TM9SF4: variants seen among roughly 807,000 people sequenced by gnomAD.
TM9SF4 encodes the protein dinucleotide oxidase disulfide thiol exchanger 3 superfamily member 4.
Under a neutral mutation model 90.4 loss-of-function variants are expected in TM9SF4, and 26 were observed. The observed-to-expected ratio is 0.29, with a 90% CI of 0.21 to 0.40. The LOEUF (loss-of-function observed/expected upper bound fraction) is 0.40. TM9SF4 is among the 10% of genes least tolerant of loss of function. TM9SF4 has a pLI of 1.00. For missense variants in TM9SF4, 549 were observed against 834.8 expected (o/e 0.66, Z 4.22); for synonymous variants, 293 against 315.4 (o/e 0.93, Z 0.75).
intron 13 of TM9SF4, among the ~76,000 whole-genome samples, chr20:32,156,937 A>ATTTTTTTTTTTT (rs1244272103): frequency 3.2e-5 from 2 of 63,046 alleles, no homozygotes; most frequent in African/African-American, 2.1e-4. Context: ...TTTCCTGGAC[A>ATTTTTTTTTTTT]TTTTCTTTTT....
chr20:32,136,288 T>G, intron 3 of TM9SF4, 115 bp downstream of exon 3: 1 of 957,388 alleles, frequency 1.0e-6, no homozygotes. Flanking sequence ...CTACATTGTT[T>G]GCATACCTGT....
At chr20:32,153,354 G>A (rs2046870271) in intron 12 of TM9SF4, among the ~76,000 whole-genome samples, 2 of 152,218 alleles carry the variant, frequency 1.3e-5, no homozygotes, top group African/African-American at 4.8e-5. Context: ...TGGCAATGGA[G>A]GTTTGAGCAT....
At chr20:32,121,838 C>T (rs1350767891) in intron 1 of TM9SF4, among the ~76,000 whole-genome samples, 27 of 150,114 alleles carry the variant, frequency 1.8e-4, no homozygotes, top group African/African-American at 5.9e-4. Context: ...GGGGCTGAAC[C>T]CCCCACCTCC....
At chr20:32,158,312 T>C (rs2046961000) in intron 14 of TM9SF4, 139 bp from the exon 15 acceptor site, 2 of 881,318 alleles carry the variant, frequency 2.3e-6, no homozygotes, top group Non-Finnish European at 3.7e-6. Context: ...CAAGAGATTA[T>C]AATAGTACAG....
chr20:32,126,720 T>C (rs2046427834), intron 1 of TM9SF4, among the ~76,000 whole-genome samples: 1 of 146,746 alleles, frequency 6.8e-6, no homozygotes, highest in South Asian at 2.1e-4. Flanking sequence ...AATAAGTAGT[T>C]GGTGAACTAA....
At chr20:32,110,314 C>T (rs2046123916) in intron 1 of TM9SF4, among the ~76,000 whole-genome samples, 1 of 152,164 alleles carries the variant, frequency 6.6e-6, no homozygotes, top group Non-Finnish European at 1.5e-5. Context: ...CTTGCCTTCA[C>T]CTACCCCACC....
At chr20:32,159,952 G>T in intron 15 of TM9SF4, 40 bp from the exon 16 acceptor site, 1 of 1,613,568 alleles carries the variant, frequency 6.2e-7, no homozygotes, top group Non-Finnish European at 8.5e-7. Context: ...AAGGGGAGCA[G>T]GGTGGTCAAG....
At chr20:32,136,262 T>G in intron 3 of TM9SF4, 89 bp downstream of exon 3, 1 of 1,244,350 alleles carries the variant, frequency 8.0e-7, no homozygotes, top group Non-Finnish European at 1.2e-6. Flanking sequence ...AACTTTGCTA[T>G]ATTCTAGACA....
chr20:32,121,199 TTTTA>T (rs1252537553), intron 1 of TM9SF4, among the ~76,000 whole-genome samples: 3 of 137,510 alleles, frequency 2.2e-5, no homozygotes, highest in Middle Eastern at 3.4e-3. Context: ...CTCTTTTTTT[TTTTA>T]TTTTTCTTTT....
At chr20:32,154,222 C>T (rs1222767611) in intron 12 of TM9SF4, among the ~76,000 whole-genome samples, 1 of 151,322 alleles carries the variant, frequency 6.6e-6, no homozygotes, top group Non-Finnish European at 1.5e-5. Flanking sequence ...TGACTCGGCT[C>T]ACTGCAACCT....
At chr20:32,158,663 C>T (rs1162369486) in intron 15 of TM9SF4, 149 bp downstream of exon 15, 3 of 802,520 alleles carry the variant, frequency 3.7e-6, no homozygotes, top group Admixed American at 2.3e-5. Context: ...AATTGGACAA[C>T]AGCCTTCCCT....
At chr20:32,122,897 C>T (rs1371589293) in intron 1 of TM9SF4, among the ~76,000 whole-genome samples, 1 of 151,944 alleles carries the variant, frequency 6.6e-6, no homozygotes, top group East Asian at 2.0e-4. Flanking sequence ...CTGAGTGAAC[C>T]AGACTCCGTC....
At chr20:32,157,445 G>T (rs983769325) in intron 13 of TM9SF4, among the ~76,000 whole-genome samples, 1 of 152,198 alleles carries the variant, frequency 6.6e-6, no homozygotes, top group Non-Finnish European at 1.5e-5. Context: ...GTACAGTGTT[G>T]TTTTTTCCCT....
intron 2 of TM9SF4, among the ~76,000 whole-genome samples, chr20:32,134,332 C>T (rs2046564543): frequency 6.6e-6 from 1 of 152,168 alleles, no homozygotes; most frequent in African/African-American, 2.4e-5. Flanking sequence ...ATTCTTTTCT[C>T]ATTGTCCTGA....
intron 1 of TM9SF4, among the ~76,000 whole-genome samples, chr20:32,119,996 A>G (rs2046281284): frequency 6.6e-6 from 1 of 152,098 alleles, no homozygotes; most frequent in Non-Finnish European, 1.5e-5. Flanking sequence ...TAGACTTTTA[A>G]TTATTTTCCA....
At chr20:32,121,011 T>A (rs1043471801) in intron 1 of TM9SF4, among the ~76,000 whole-genome samples, 2 of 152,176 alleles carry the variant, frequency 1.3e-5, no homozygotes, top group Admixed American at 1.3e-4. Flanking sequence ...TAGATTCAAT[T>A]TTCTAATATT....
intron 2 of TM9SF4, among the ~76,000 whole-genome samples, chr20:32,135,433 C>T (rs2046580917): frequency 6.6e-6 from 1 of 152,146 alleles, no homozygotes; most frequent in South Asian, 2.1e-4. Context: ...GAGCTTAAAT[C>T]TTAGATGCTA....
At chr20:32,160,328 G>A (rs1283007384) in intron 16 of TM9SF4, among the ~76,000 whole-genome samples, 1 of 152,134 alleles carries the variant, frequency 6.6e-6, no homozygotes, top group African/African-American at 2.4e-5. Context: ...TAGTTGTGTG[G>A]GGTACTCACC....
At chr20:32,110,437 A>G (rs533781253) in intron 1 of TM9SF4, among the ~76,000 whole-genome samples, 20 of 152,188 alleles carry the variant, frequency 1.3e-4, no homozygotes, top group African/African-American at 4.8e-4. Flanking sequence ...TACTGTGCAT[A>G]AGAATCTCGA....
Sources: allele counts gnomAD v4.1 joint callset (sites outside exome capture counted in the v4.1 genomes callset), GRCh38; gene constraint gnomAD v4.1.1; transcripts MANE v1.5; gene names NCBI Gene and HGNC (gene_info 2026-07-23, HGNC 2026-07-21).